The following SH3D21 variants were observed in gnomAD, a reference collection of about 807,000 sequenced individuals.
SH3D21 encodes the protein SH3 domain-containing protein 21.
A neutral mutation model predicts 82.1 loss-of-function variants in SH3D21; 83 were observed. The observed-to-expected ratio is 1.01, with a 90% CI of 0.85 to 1.21. The LOEUF is 1.21. Among genes scored for constraint, SH3D21 ranks in the 50% most tolerant of loss-of-function variants. The pLI is 0.00. For missense variants in SH3D21, 980 were observed against 962.1 expected, an observed-to-expected ratio of 1.02 and a Z score of -0.25; for synonymous variants, 383 against 387.8, an observed-to-expected ratio of 0.99 and a Z score of 0.15.
At position 36,307,330 on chromosome 1, in the gene SH3D21, C is replaced by A; in HGVS notation, c.345+45C>A. 2 of 1,546,186 alleles carry A rather than the reference C, an allele frequency of 1.3e-6. No homozygotes were observed. The highest frequency in any genetic ancestry group is 8.8e-7 in the Non-Finnish European group (1 of 1,142,450). On this transcript the variant is annotated intron_variant, in intron 4 of 15. Coordinates refer to ENST00000453908, the MANE Select transcript of SH3D21 (RefSeq NM_001162530.2). The surrounding 1 kb of genome is among the most constrained non-coding windows in gnomAD (Gnocchi z 5.4). ...GACCGTTTGGGGGAGGATGATGGAA[C>A]GCGCCTCCCTAGTGAGCGGGGTGGG...
intron 10 of SH3D21, among the ~76,000 whole-genome samples, chr1:36,313,740 T>C (rs1356195007): frequency 1.3e-5 from 2 of 151,378 alleles, no homozygotes; most frequent in Non-Finnish European, 2.9e-5. Flanking sequence ...AGTTTTTAAG[T>C]TTATTGTAAA....
At chr1:36,327,870 C>A, downstream of SH3D21, 4 of 1,290,028 alleles carry the variant, frequency 3.1e-6, no homozygotes, top group Non-Finnish European at 4.0e-6. Context: ...CCCTCCCCAC[C>A]CCCTGCCTAG....
chr1:36,320,028 G>A lies in SH3D21; in HGVS notation c.1365G>A (p.Glu455=). Residue 455 remains glutamate (E), a synonymous_variant, in exon 14 of 16, where the codon GAG becomes GAA. Transcript: ENST00000453908. ...STPERVFSVE[E]SPALEAPPMD... is the part of the protein sequence containing the mutation. ...CAGAGAGGGTCTTTTCAGTGGAAGA[G>A]TCCCCTGCCCTAGAAGCCCCACCTA... is the stretch of plus-strand genomic sequence containing the variant. 5.6e-6 allele frequency: 9 copies of A among 1,614,124 alleles called. No homozygotes were observed. The highest frequency in any genetic ancestry group is 7.6e-6 in the Non-Finnish European group (9 of 1,180,018).
At chr1:36,328,308 G>A (rs919067780), downstream of SH3D21, 9 of 372,872 alleles carry the variant, frequency 2.4e-5, no homozygotes, top group Non-Finnish European at 4.3e-5. Flanking sequence ...CTGAAGGCTT[G>A]CCCTGGCTAT....
downstream of SH3D21, chr1:36,322,180 C>T (rs1646474274): frequency 2.2e-6 from 3 of 1,365,654 alleles, no homozygotes; most frequent in Admixed American, 3.2e-5. Flanking sequence ...TGGCGGTCCA[C>T]GCCCAGTAGC....
chr1:36,317,626 G>A (rs530518429), intron 10 of SH3D21, among the ~76,000 whole-genome samples: 9 of 152,218 alleles, frequency 5.9e-5, no homozygotes, highest in African/African-American at 1.2e-4. Context: ...CCAGTGGCGC[G>A]ATCTTGGCTC....
chr1:36,308,390 CCA>C lies in SH3D21; in HGVS notation c.644_645del (p.Thr215ArgfsTer3), dbSNP rs775097277. Reference sequence around the variant, plus strand: ...CCCACTGGCGTGTTTCTTTTCCAGACCACAGAGGATAAGGGCTGGTGGGAAGG... The same window carrying C: ...CCCACTGGCGTGTTTCTTTTCCAGACCAGAGGATAAGGGCTGGTGGGAAGG... On this transcript the variant is annotated frameshift_variant and splice_region_variant, in exon 9 of 16. Transcript: ENST00000453908. LOFTEE classifies it high-confidence loss of function. The C allele has an allele frequency of 7.1e-5, 110 of 1,551,728 alleles. No homozygotes were observed. Among genetic ancestry groups the C allele is most frequent in the Non-Finnish European group, 9.4e-5 (108 of 1,147,046 alleles).
rs1409323293 is a variant in SH3D21 at position 36,306,594 on chromosome 1, G to A, written c.5-4G>A. The A allele has an allele frequency of 7.7e-7, 1 of 1,302,658 alleles. No individual in the cohort carries two copies. The highest frequency in any genetic ancestry group is 2.3e-5 in the Admixed American group (1 of 43,530). 80.7% of individuals were successfully genotyped at this position (1,302,658 alleles called of 1,614,324 possible). ...CGCACGCCGGCCCCGTCTTCCGCCC[G>A]CAGAAGTCCTCGTCCTGGCCGGATA... On this transcript the variant is annotated splice_polypyrimidine_tract_variant and splice_region_variant and intron_variant, in intron 1 of 15. Transcript: ENST00000453908. This position sits in a 1 kb window ranked among gnomAD's most constrained non-coding sequence, Gnocchi z 4.5.
At chr1:36,326,197 C>T (rs947397562), downstream of SH3D21, among the ~76,000 whole-genome samples, 3 of 150,398 alleles carry the variant, frequency 2.0e-5, no homozygotes, top group Admixed American at 6.6e-5. Flanking sequence ...TGCAGGGACT[C>T]GATGGCCTTG....
In SH3D21 at chr1:36,319,208, C is replaced by A. The variant is rs755582731; in HGVS notation, c.863+44C>A. ...TTGGGGGAAGGAGGAGGGTAGGAGG[C>A]AACGCCCCTCCCTGTGCCCCACCCT... is the stretch of plus-strand genomic sequence containing the variant. On this transcript the variant is annotated intron_variant, in intron 11 of 15. Transcript: ENST00000453908. 142 of 1,548,650 alleles carry A rather than the reference C, an allele frequency of 9.2e-5. No homozygotes were observed. The Middle Eastern group carries it at 1.2e-3, about 13-fold the overall frequency.
intron 8 of SH3D21, 34 bp from the exon 9 acceptor site, chr1:36,308,355 G>C (rs765850516): frequency 5.6e-4 from 870 of 1,546,310 alleles, no homozygotes; most frequent in Non-Finnish European, 7.4e-4. Context: ...TGGGGGACCT[G>C]GCTCACCTCC....
At chr1:36,322,343 C>T (rs1266908192), downstream of SH3D21, 6 of 1,577,474 alleles carry the variant, frequency 3.8e-6, no homozygotes, top group Admixed American at 7.0e-5. Context: ...TGGGGCTGGG[C>T]CCCAGCGTGC....
At chr1:36,326,362 G>C (rs1469447039), downstream of SH3D21, among the ~76,000 whole-genome samples, 1 of 151,978 alleles carries the variant, frequency 6.6e-6, no homozygotes, top group Admixed American at 6.6e-5. Flanking sequence ...CTCCCGAGTA[G>C]CTGGGATTAC....
chr1:36,308,274 T>C, intron 8 of SH3D21, 65 bp downstream of exon 8: 3 of 1,463,084 alleles, frequency 2.1e-6, no homozygotes, highest in Non-Finnish European at 2.8e-6. Context: ...GACCTGCACA[T>C]GTACCCCCTG....
chr1:36,322,388 G>A, downstream of SH3D21: 1 of 1,596,856 alleles, frequency 6.3e-7, no homozygotes, highest in Non-Finnish European at 8.5e-7. Context: ...CGGTGCGCCA[G>A]ATCTCCCGCA....
rs1183310327 is a variant in SH3D21 at position 36,307,931 on chromosome 1, C to A, written c.506C>A (p.Ala169Asp). Residue 169 changes from alanine to aspartate, a missense_variant, in exon 7 of 16, where the codon GCC becomes GAC. By Grantham distance (126) the Ala-to-Asp change is moderately radical (BLOSUM62 -2). Coordinates refer to ENST00000453908, the MANE Select transcript of SH3D21 (RefSeq NM_001162530.2). This position sits in a 1 kb window ranked among gnomAD's most constrained non-coding sequence, Gnocchi z 5.4. The stretch of plus-strand genomic sequence containing the variant: ...TTCCCCCACTAGCTGAGCAGCCTGG[C>A]CTATGACAGCCCTCCAGACTACCTG... ...PQRPPKLSSL[A>D]YDSPPDYLQT... is the part of the protein sequence containing the mutation. 2 of 1,551,634 alleles carry A rather than the reference C, an allele frequency of 1.3e-6. No homozygotes were observed. The highest frequency in any genetic ancestry group is 4.9e-5 in the East Asian group (2 of 40,926).
At chr1:36,323,726 G>C (rs933534958), downstream of SH3D21, 1 of 152,168 alleles carries the variant, frequency 6.6e-6, no homozygotes, top group Non-Finnish European at 1.5e-5. Flanking sequence ...GCGGGCAGCC[G>C]GGAGGAGGGA....
chr1:36,313,967 A>ATTTTATTTTTTTTTT (rs1207014644), intron 10 of SH3D21, among the ~76,000 whole-genome samples: 1 of 36,936 alleles, frequency 2.7e-5, no homozygotes, highest in Non-Finnish European at 6.3e-5. Flanking sequence ...TGCTGAACAT[A>ATTTTATTTTTTTTTT]TTTTCTTTTT....
Position 36,307,806 on chromosome 1 carries a change from G to T in SH3D21, c.473G>T (p.Gly158Val), listed in dbSNP as rs567692091. 1 of 1,551,762 alleles carries T rather than the reference G, an allele frequency of 6.4e-7. No homozygotes were observed. Among genetic ancestry groups the T allele is most frequent in the East Asian group, 2.4e-5 (1 of 40,918 alleles). ...GNPDMPSVSP[G>V]PQRPPKLSSL... Reference sequence around the variant, plus strand: ...CCAGACATGCCTTCAGTCAGCCCTGGTCCCCAGCGGCCTCCCAAGGTAAGT... The same window carrying T: ...CCAGACATGCCTTCAGTCAGCCCTGTTCCCCAGCGGCCTCCCAAGGTAAGT... The change falls in exon 6 of 16, where the codon GGT (glycine) becomes GTT (valine). Residue 158 changes from glycine to valine, a missense_variant. Coordinates refer to ENST00000453908, the MANE Select transcript of SH3D21 (RefSeq NM_001162530.2). This position sits in a 1 kb window ranked among gnomAD's most constrained non-coding sequence, Gnocchi z 5.4.
Sources: allele counts gnomAD v4.1 joint callset (sites outside exome capture counted in the v4.1 genomes callset), GRCh38; gene constraint gnomAD v4.1.1; non-coding constraint Gnocchi (gnomAD v3.1); transcripts MANE v1.5; gene names NCBI Gene and HGNC (gene_info 2026-07-23, HGNC 2026-07-21).